Variants in SRSF6 observed in about 807,000 individuals in gnomAD.
SRSF6 encodes the protein serine/arginine-rich splicing factor 6.
SRSF6 carries 17 observed loss-of-function variants against 42.0 expected under a neutral mutation model. The ratio of observed to expected loss-of-function variants is 0.40; its 90% CI spans 0.28 to 0.61. The LOEUF is 0.61. Ranked by LOEUF, SRSF6 falls within the 20% of genes least tolerant of loss-of-function variation. The pLI is 0.37. For synonymous variants in SRSF6, 204 were observed against 166.7 expected (o/e 1.22, Z -1.72); for missense variants, 379 against 471.4 (o/e 0.80, Z 1.81).
chr20:43,458,490 C>G lies in SRSF6; in HGVS notation c.237C>G (p.Gly79=). 1 of 1,508,896 alleles carries G rather than the reference C, an allele frequency of 6.6e-7. No individual in the cohort carries two copies. The highest frequency in any genetic ancestry group is 8.8e-7 in the Non-Finnish European group (1 of 1,134,442). 93.5% of individuals were successfully genotyped at this position (1,508,896 alleles called of 1,614,324 possible). The part of the protein sequence containing the change: ...HARGPRRDRD[G]YSYGSRSGGG... Reference sequence around the variant, plus strand: ...GGGGCCCGCGTCGCGATCGCGACGGCTACAGCTACGGAAGCCGCAGTGAGT... The same window carrying G: ...GGGGCCCGCGTCGCGATCGCGACGGGTACAGCTACGGAAGCCGCAGTGAGT... The change falls in exon 2 of 6, where the codon GGC becomes GGG. Residue 79 remains glycine (G), a synonymous_variant. Coordinates refer to ENST00000244020, the MANE Select transcript of SRSF6 (RefSeq NM_006275.6).
chr20:43,459,541 AG>A, intron 2 of SRSF6: 2 of 1,312,828 alleles, frequency 1.5e-6, no homozygotes, highest in Non-Finnish European at 2.0e-6. Context: ...AATCGAATAA[AG>A]GAGCAGTCAC....
chr20:43,458,482 C>G lies in SRSF6; in HGVS notation c.229C>G (p.Arg77Gly), dbSNP rs762641128. Residue 77 changes from arginine (R) to glycine (G), a missense_variant, in exon 2 of 6, where the codon CGC becomes GGC. Physicochemically the swap from Arg to Gly is moderately radical, Grantham distance 125. This residue lies in a region of SRSF6 where 117 missense variants were observed against 146.8 expected (regional missense o/e 0.80). Transcript: ENST00000244020. The part of the protein sequence containing the change: ...VEHARGPRRD[R>G]DGYSYGSRSG... The stretch of plus-strand genomic sequence containing the variant: ...GCACGCCCGGGGCCCGCGTCGCGAT[C>G]GCGACGGCTACAGCTACGGAAGCCG... The G allele has an allele frequency of 8.6e-6, 13 of 1,511,696 alleles. No individual in the cohort carries two copies. The highest frequency in any genetic ancestry group is 2.1e-5 in the Admixed American group (1 of 47,558). 93.6% of individuals were successfully genotyped at this position (1,511,696 alleles called of 1,614,324 possible). A position where few individuals can be genotyped will look rare whatever the true frequency, so the allele number is the denominator to read the frequency against.
intron 2 of SRSF6, chr20:43,459,252 C>T (rs1419563029): frequency 1.5e-6 from 2 of 1,351,980 alleles, no homozygotes; most frequent in African/African-American, 1.5e-5. Flanking sequence ...TGCCCTATGA[C>T]CCTTTGGCTG....
At position 43,458,260 on chromosome 20, in the gene SRSF6, G is replaced by T. The variant is rs2017530687; in HGVS notation, c.108-101G>T. On this transcript the variant is annotated intron_variant, in intron 1 of 5. Transcript: ENST00000244020. The stretch of plus-strand genomic sequence containing the variant: ...TGGCAGGGCCTCAAAGATGGCGACG[G>T]CGCGGCGTCGCGGGGGCGCGCGGTG... 26 of 1,392,634 alleles carry T rather than the reference G, an allele frequency of 1.9e-5. No individual in the cohort carries two copies. In the South Asian group the frequency reaches 4.0e-4, roughly 22 times the overall value. 86.3% of individuals were successfully genotyped at this position (1,392,634 alleles called of 1,614,324 possible).
rs57110045 is a variant in SRSF6 at position 43,461,337 on chromosome 20, GTTTTTTTTTTTT to G, written c.*300_*311del. 0.032 allele frequency: 1,423 copies of G among 43,788 alleles called. 49 individuals are homozygous for G. The highest frequency in any genetic ancestry group is 0.11 in the African/African-American group (1,344 of 12,200). The allele number at this position is 43,788 out of a possible 1,614,324, so 2.7% of individuals were successfully genotyped here. A position where few individuals can be genotyped will look rare whatever the true frequency, so the allele number is the denominator to read the frequency against. On this transcript the variant is annotated 3_prime_UTR_variant, in exon 6 of 6. Transcript: ENST00000244020. ...GTAAAGATTAAGCTCATTTAGTGTTGTTTTTTTTTTTTTTTTTTTTTTTTTTTTTTTTTTTTT... is the reference window on the plus strand; with the variant it reads ...GTAAAGATTAAGCTCATTTAGTGTTGTTTTTTTTTTTTTTTTTTTTTTTTT...
In SRSF6 at chr20:43,461,333, T is replaced by TG. The variant is rs1375774713; in HGVS notation, c.*271dup. On this transcript the variant is annotated 3_prime_UTR_variant, in exon 6 of 6. Transcript: ENST00000244020. ...TTTTGTAAAGATTAAGCTCATTTAG[T>TG]GTTGTTTTTTTTTTTTTTTTTTTTT... 1.5e-5 allele frequency: 1 copy of TG among 67,324 alleles called. No homozygotes were observed. The highest frequency in any genetic ancestry group is 2.9e-4 in the East Asian group (1 of 3,490). 4.2% of individuals were successfully genotyped at this position (67,324 alleles called of 1,614,324 possible). A position where few individuals can be genotyped will look rare whatever the true frequency, so the allele number is the denominator to read the frequency against.
In SRSF6 at chr20:43,458,113, G is replaced by T. The variant is rs1161728219; in HGVS notation, c.80G>T (p.Arg27Leu). 1 of 1,613,394 alleles carries T rather than the reference G, an allele frequency of 6.2e-7. No homozygotes were observed. The highest frequency in any genetic ancestry group is 1.1e-5 in the South Asian group (1 of 91,034). ...CAGCGCTTTTTCAGTGGCTATGGCC[G>T]CCTCCTCGAAGTAGACCTCAAAAAT... is the stretch of plus-strand genomic sequence containing the variant. ...DIQRFFSGYG[R>L]LLEVDLKNGY... is the part of the protein sequence containing the mutation. The change falls in exon 1 of 6, where the codon CGC becomes CTC. Residue 27 changes from arginine to leucine, a missense_variant. By Grantham distance (102) the Arg-to-Leu change is moderately radical. This residue lies in a region of SRSF6 where 117 missense variants were observed against 146.8 expected (regional missense o/e 0.80). Coordinates refer to ENST00000244020, the MANE Select transcript of SRSF6 (RefSeq NM_006275.6).
Position 43,458,357 on chromosome 20 carries a change from C to G in SRSF6, c.108-4C>G, listed in dbSNP as rs534102340. The G allele has an allele frequency of 6.5e-7, 1 of 1,548,628 alleles. No individual in the cohort carries two copies. The highest frequency in any genetic ancestry group is 1.9e-5 in the Admixed American group (1 of 52,966). ...CGGTTGTCCGGCCCTCGCACCGCCC[C>G]TAGGTACGGCTTCGTGGAGTTCGAG... is the stretch of plus-strand genomic sequence containing the variant. On this transcript the variant is annotated splice_region_variant and splice_polypyrimidine_tract_variant and intron_variant, in intron 1 of 5. Transcript: ENST00000244020.
At chr20:43,460,329 A>G in intron 4 of SRSF6, 88 bp downstream of exon 4, 1 of 1,464,278 alleles carries the variant, frequency 6.8e-7, no homozygotes, top group Non-Finnish European at 9.4e-7. Context: ...TGCCTACTTG[A>G]ATTAAAGCCA....
rs767017477 is a variant in SRSF6, at chr20:43,458,345, C to T, written c.108-16C>T. On this transcript the variant is annotated splice_polypyrimidine_tract_variant and intron_variant, in intron 1 of 5. Coordinates refer to ENST00000244020, the MANE Select transcript of SRSF6 (RefSeq NM_006275.6). ...ACGACTCCCCCGCGGTTGTCCGGCC[C>T]TCGCACCGCCCCTAGGTACGGCTTC... The T allele has an allele frequency of 4.6e-6, 7 of 1,535,884 alleles. No homozygotes were observed. Among genetic ancestry groups the T allele is most frequent in the African/African-American group, 4.3e-5 (3 of 69,180 alleles).
chr20:43,458,590 C>G, intron 2 of SRSF6, 81 bp downstream of exon 2: 1 of 1,343,814 alleles, frequency 7.4e-7, no homozygotes, highest in East Asian at 3.1e-5. Context: ...CCAGCCCGGG[C>G]AGGCGCGAGG....
chr20:43,458,561 G>A (rs2017537643), intron 2 of SRSF6, 52 bp downstream of exon 2: 2 of 1,429,116 alleles, frequency 1.4e-6, no homozygotes, highest in South Asian at 1.4e-5. Flanking sequence ...GGGGGCGGGG[G>A]TGGGTGGGGT....
chr20:43,460,266 G>A (rs1235175900), intron 4 of SRSF6, 25 bp downstream of exon 4: 3 of 1,609,844 alleles, frequency 1.9e-6, no homozygotes, highest in African/African-American at 1.3e-5. Context: ...GACACTGTGG[G>A]AAGGAAACAA....
chr20:43,460,400 A>T, intron 4 of SRSF6, 115 bp from the exon 5 acceptor site: 2 of 1,389,210 alleles, frequency 1.4e-6, no homozygotes, highest in Non-Finnish European at 1.0e-6. Context: ...TGAACAGTGT[A>T]TTTAATTTCG....
At chr20:43,458,211 A>G (rs1313503071) in intron 1 of SRSF6, 71 bp downstream of exon 1, 3 of 1,526,976 alleles carry the variant, frequency 2.0e-6, no homozygotes, top group African/African-American at 2.9e-5. Flanking sequence ...CAAGGAAAGA[A>G]GCGGCCAAGG....
In SRSF6 at chr20:43,463,609, T is replaced by C. The variant is rs941590411; in HGVS notation, c.*2546T>C. 3 of 152,718 alleles carry C rather than the reference T, an allele frequency of 2.0e-5. No individual in the cohort carries two copies. Among genetic ancestry groups the C allele is most frequent in the African/African-American group, 7.2e-5 (3 of 41,478 alleles). The allele number at this position is 152,718 out of a possible 1,614,324, so 9.5% of individuals were successfully genotyped here. On this transcript the variant is annotated 3_prime_UTR_variant, in exon 6 of 6. Coordinates refer to ENST00000244020, the MANE Select transcript of SRSF6 (RefSeq NM_006275.6). ...ATAAAATACTTACTGAGGGAAAGGCTTGTTTTGAGTTTATTGCATATGCCC... is the reference window on the plus strand; with the variant it reads ...ATAAAATACTTACTGAGGGAAAGGCCTGTTTTGAGTTTATTGCATATGCCC...
In SRSF6 at chr20:43,461,346, T is replaced by TTG. The variant is rs2017592968; in HGVS notation, c.*284_*285insGT. On this transcript the variant is annotated 3_prime_UTR_variant, in exon 6 of 6. Coordinates refer to ENST00000244020, the MANE Select transcript of SRSF6 (RefSeq NM_006275.6). ...AAGCTCATTTAGTGTTGTTTTTTTT[T>TTG]TTTTTTTTTTTTTTTTTTTTTTTTT... 2.1e-5 allele frequency: 1 copy of TTG among 48,202 alleles called. No individual in the cohort carries two copies. The highest frequency in any genetic ancestry group is 7.6e-5 in the African/African-American group (1 of 13,142). 3.0% of individuals were successfully genotyped at this position (48,202 alleles called of 1,614,324 possible). A position where few individuals can be genotyped will look rare whatever the true frequency, so the allele number is the denominator to read the frequency against.
chr20:43,459,520 T>C, intron 2 of SRSF6: 1 of 1,330,024 alleles, frequency 7.5e-7, no homozygotes, highest in Non-Finnish European at 9.7e-7. Flanking sequence ...AAAATAAAAC[T>C]TAGCGAGGTA....
At chr20:43,460,304 AG>A in intron 4 of SRSF6, 63 bp downstream of exon 4, 3 of 1,554,948 alleles carry the variant, frequency 1.9e-6, no homozygotes, top group Admixed American at 3.4e-5. Flanking sequence ...GGAGTAATTG[AG>A]TGATGTCAAT....
Sources: gnomAD v4.1 joint callset for allele counts on GRCh38, gnomAD v4.1.1 for gene constraint, gnomAD v4.1.1 regional missense constraint, MANE v1.5 for transcripts, NCBI Gene and HGNC (gene_info 2026-07-23, HGNC 2026-07-21) for gene names.